WDR7: variants seen among roughly 807,000 people sequenced by gnomAD.
The protein encoded by WDR7 is WD repeat domain 7.
Under a neutral mutation model 169.4 loss-of-function variants are expected in WDR7, and 46 were observed. The ratio of observed to expected loss-of-function variants is 0.27; its 90% CI spans 0.21 to 0.35. The LOEUF is 0.35. Ranked by LOEUF, WDR7 falls within the 10% of genes least tolerant of loss-of-function variation. The pLI is 1.00. For missense variants in WDR7, 1,534 were observed against 1,859.3 expected (o/e 0.83, Z 3.22); for synonymous variants, 612 against 666.8 (o/e 0.92, Z 1.27).
At chr18:56,672,157 A>G (rs933429843) in intron 1 of WDR7, among the ~76,000 whole-genome samples, 3 of 152,180 alleles carry the variant, frequency 2.0e-5, no homozygotes, top group African/African-American at 7.2e-5. Context: ...GCGCTTTATA[A>G]ACTGTGAAAT....
chr18:56,783,738 G>C (rs2044353765), intron 19 of WDR7, among the ~76,000 whole-genome samples: 1 of 152,076 alleles, frequency 6.6e-6, no homozygotes, highest in Admixed American at 6.6e-5. Flanking sequence ...TGCTTATAAA[G>C]GTCTAAGAAA....
chr18:56,859,544 G>A (rs1199893016), intron 20 of WDR7, among the ~76,000 whole-genome samples: 1 of 152,114 alleles, frequency 6.6e-6, no homozygotes, highest in Non-Finnish European at 1.5e-5. Context: ...GAATTTGTAT[G>A]TCTATGTGTT....
At chr18:56,871,281 A>C (rs2045949442) in intron 20 of WDR7, among the ~76,000 whole-genome samples, 1 of 152,196 alleles carries the variant, frequency 6.6e-6, no homozygotes, top group South Asian at 2.1e-4. Flanking sequence ...ATCTAATATT[A>C]GCAAATACAC....
At chr18:57,009,157 G>T (rs2048104920) in intron 26 of WDR7, among the ~76,000 whole-genome samples, 1 of 152,154 alleles carries the variant, frequency 6.6e-6, no homozygotes, top group Admixed American at 6.5e-5. Context: ...TGAATATTAT[G>T]ATTTTAATAG....
chr18:56,865,851 T>C (rs944831675), intron 20 of WDR7, among the ~76,000 whole-genome samples: 4 of 152,188 alleles, frequency 2.6e-5, no homozygotes, highest in African/African-American at 9.6e-5. Flanking sequence ...TGGCATTTTC[T>C]ACATTTTTTA....
At chr18:56,773,079 G>T (rs2044189038) in intron 16 of WDR7, among the ~76,000 whole-genome samples, 1 of 151,998 alleles carries the variant, frequency 6.6e-6, no homozygotes, top group East Asian at 1.9e-4. Context: ...AATTCTATTG[G>T]ACATATTAAA....
intron 21 of WDR7, among the ~76,000 whole-genome samples, chr18:56,903,192 T>C (rs1046939709): frequency 2.6e-5 from 4 of 152,206 alleles, no homozygotes; most frequent in Non-Finnish European, 5.9e-5. Flanking sequence ...TTGCATCTTT[T>C]ATTGGTCTGC....
intron 20 of WDR7, among the ~76,000 whole-genome samples, chr18:56,823,376 G>A (rs1350648139): frequency 6.6e-6 from 1 of 152,056 alleles, no homozygotes; most frequent in Non-Finnish European, 1.5e-5. Context: ...TCAGGAGTTC[G>A]AGACCACCCT....
chr18:56,874,230 A>G (rs749544247), intron 20 of WDR7, among the ~76,000 whole-genome samples: 3 of 152,184 alleles, frequency 2.0e-5, no homozygotes, highest in Non-Finnish European at 2.9e-5. Context: ...CACTTTTTCT[A>G]GAATTAAGGT....
At chr18:56,818,018 C>T (rs2045012978) in intron 20 of WDR7, among the ~76,000 whole-genome samples, 1 of 152,192 alleles carries the variant, frequency 6.6e-6, no homozygotes, top group Admixed American at 6.5e-5. Context: ...GCTGGGATTA[C>T]AGGCATGAGC....
chr18:56,795,448 A>G (rs1221266853), intron 19 of WDR7, among the ~76,000 whole-genome samples: 1 of 152,222 alleles, frequency 6.6e-6, no homozygotes, highest in Non-Finnish European at 1.5e-5. Context: ...ATCTTAGAGT[A>G]TATAAAATAC....
intron 11 of WDR7, 110 bp from the exon 12 acceptor site, chr18:56,696,131 CT>C: frequency 1.1e-6 from 1 of 916,988 alleles, no homozygotes; most frequent in South Asian, 1.8e-5. Context: ...AATTGGAAGC[CT>C]TTGCTGTGAT....
intron 16 of WDR7, among the ~76,000 whole-genome samples, chr18:56,766,245 TG>T (rs1323316458): frequency 6.6e-6 from 1 of 152,204 alleles, no homozygotes; most frequent in African/African-American, 2.4e-5. Context: ...GGTTCTTCAG[TG>T]TAGTGTTCTT....
chr18:56,994,335 T>C (rs2047864647), intron 26 of WDR7, among the ~76,000 whole-genome samples: 1 of 151,964 alleles, frequency 6.6e-6, no homozygotes, highest in Non-Finnish European at 1.5e-5. Context: ...TTCATTACTA[T>C]TTAAAGGGGC....
intron 1 of WDR7, among the ~76,000 whole-genome samples, chr18:56,658,311 C>T (rs900436229): frequency 6.6e-6 from 1 of 152,080 alleles, no homozygotes; most frequent in African/African-American, 2.4e-5. Flanking sequence ...ACCATGTTGG[C>T]CTGGCTGGTC....
At chr18:56,691,617 T>C in intron 8 of WDR7, 98 bp from the exon 9 acceptor site, 1 of 1,010,052 alleles carries the variant, frequency 9.9e-7, no homozygotes, top group Non-Finnish European at 1.4e-6. Context: ...AATTTAAAAA[T>C]CCCCTTTTTG....
intron 18 of WDR7, among the ~76,000 whole-genome samples, chr18:56,779,964 G>A (rs1387057677): frequency 2.6e-5 from 4 of 152,170 alleles, no homozygotes; most frequent in African/African-American, 9.6e-5. Context: ...TGTAAAAGGA[G>A]GCCTTGGAAT....
intron 19 of WDR7, among the ~76,000 whole-genome samples, chr18:56,813,099 G>A (rs918464506): frequency 6.6e-6 from 1 of 151,270 alleles, no homozygotes; most frequent in African/African-American, 2.4e-5. Context: ...GTTAGTGGGT[G>A]CAGCGCACCA....
chr18:56,728,405 T>C (rs1458997355), intron 13 of WDR7, among the ~76,000 whole-genome samples: 2 of 152,112 alleles, frequency 1.3e-5, no homozygotes, highest in African/African-American at 4.8e-5. Context: ...TCAGTGGGAG[T>C]CCCTTCACAC....
Sources: allele counts gnomAD v4.1 joint callset (sites outside exome capture counted in the v4.1 genomes callset), GRCh38; gene constraint gnomAD v4.1.1; transcripts MANE v1.5; gene names NCBI Gene and HGNC (gene_info 2026-07-23, HGNC 2026-07-21).